Variants in ANO6 observed in about 807,000 individuals in gnomAD.
ANO6 encodes anoctamin 6, also known as anoctamin-6.
ANO6 carries 106 observed loss-of-function variants against 117.5 expected under a neutral mutation model. The observed-to-expected ratio is 0.90, with a 90% CI of 0.77 to 1.06. The LOEUF is 1.06. ANO6 is among the 50% of genes least tolerant of loss of function. ANO6 has a pLI of 0.00. For missense variants in ANO6, 955 were observed against 1,121.1 expected, an observed-to-expected ratio of 0.85 and a Z score of 2.12; for synonymous variants, 367 against 385.1, an observed-to-expected ratio of 0.95 and a Z score of 0.55.
At chr12:45,289,332 A>G (rs1482315667) in intron 1 of ANO6, among the ~76,000 whole-genome samples, 1 of 151,700 alleles carries the variant, frequency 6.6e-6, no homozygotes. Context: ...ACACCTGGCT[A>G]ATTTTTGTAT....
intron 12 of ANO6, among the ~76,000 whole-genome samples, chr12:45,395,444 C>G (rs1269919658): frequency 1.3e-5 from 2 of 152,166 alleles, no homozygotes; most frequent in Non-Finnish European, 2.9e-5. Flanking sequence ...CCTTCTGACA[C>G]CATTCCAATC....
At chr12:45,221,602 G>A (rs952682461) in intron 1 of ANO6, among the ~76,000 whole-genome samples, 4 of 152,188 alleles carry the variant, frequency 2.6e-5, no homozygotes, top group Non-Finnish European at 5.9e-5. Flanking sequence ...CTCCATGGTA[G>A]CACGTTCTAA....
At chr12:45,217,370 C>T (rs1947332423) in intron 1 of ANO6, among the ~76,000 whole-genome samples, 1 of 152,124 alleles carries the variant, frequency 6.6e-6, no homozygotes, top group Non-Finnish European at 1.5e-5. Flanking sequence ...TTCTAAAGCC[C>T]TGTTGTTATC....
At chr12:45,381,168 T>C (rs1415566256) in intron 10 of ANO6, among the ~76,000 whole-genome samples, 1 of 152,196 alleles carries the variant, frequency 6.6e-6, no homozygotes, top group Non-Finnish European at 1.5e-5. Context: ...ACTTTACTGC[T>C]CTGAAACCTT....
chr12:45,374,926 A>C (rs918927998), intron 9 of ANO6, among the ~76,000 whole-genome samples: 2 of 152,026 alleles, frequency 1.3e-5, no homozygotes, highest in African/African-American at 4.8e-5. Flanking sequence ...CCCTGTTTGC[A>C]GACGACATGA....
intron 1 of ANO6, among the ~76,000 whole-genome samples, chr12:45,247,834 GC>G (rs1279524717): frequency 6.6e-6 from 1 of 152,088 alleles, no homozygotes; most frequent in Non-Finnish European, 1.5e-5. Context: ...CCTTCCAAAG[GC>G]CCCATCTCTC....
intron 1 of ANO6, among the ~76,000 whole-genome samples, chr12:45,220,538 A>C (rs750125923): frequency 6.6e-6 from 1 of 152,114 alleles, no homozygotes; most frequent in African/African-American, 2.4e-5. Flanking sequence ...TAGTTTCAGG[A>C]TTAGGTGCTG....
chr12:45,423,708 G>A (rs1592051145), intron 19 of ANO6, among the ~76,000 whole-genome samples: 1 of 152,326 alleles, frequency 6.6e-6, no homozygotes, highest in South Asian at 2.1e-4. Context: ...GATGGAAGCA[G>A]TCTATCCAAT....
At chr12:45,375,684 C>T (rs1448893636) in intron 9 of ANO6, among the ~76,000 whole-genome samples, 1 of 150,646 alleles carries the variant, frequency 6.6e-6, no homozygotes, top group Non-Finnish European at 1.5e-5. Flanking sequence ...CCCTTCCTTA[C>T]ACCTTTTACA....
At chr12:45,374,992 C>A (rs1292284364) in intron 9 of ANO6, among the ~76,000 whole-genome samples, 1 of 151,462 alleles carries the variant, frequency 6.6e-6, no homozygotes, top group Non-Finnish European at 1.5e-5. Flanking sequence ...AGCTGATAAG[C>A]AACTTCAGCA....
At chr12:45,222,419 C>G (rs1947417985) in intron 1 of ANO6, among the ~76,000 whole-genome samples, 1 of 152,116 alleles carries the variant, frequency 6.6e-6, no homozygotes, top group South Asian at 2.1e-4. Flanking sequence ...CCTCGGCCTC[C>G]CAAAGTGCTG....
rs769698048 is a variant in ANO6 at position 45,421,217 on chromosome 12, C to T, written c.2364C>T (p.Phe788=). 6.8e-6 allele frequency: 11 copies of T among 1,614,162 alleles called. No homozygotes were observed. In the Admixed American group the frequency reaches 8.3e-5, roughly 12 times the overall value. ...NTLSIFKVAD[F]KNKSKGNPYS... Reference sequence around the variant, plus strand: ...TCTCCATCTTCAAAGTCGCAGACTTCAAAAACAAAAGCAAGGGAAACCCGT... The same window carrying T: ...TCTCCATCTTCAAAGTCGCAGACTTTAAAAACAAAAGCAAGGGAAACCCGT... The change falls in exon 18 of 20, where the codon TTC becomes TTT. Residue 788 remains phenylalanine (F), a synonymous_variant. Coordinates refer to ENST00000320560, the MANE Select transcript of ANO6 (RefSeq NM_001025356.3).
intron 2 of ANO6, among the ~76,000 whole-genome samples, chr12:45,306,845 G>C (rs148482825): frequency 6.6e-6 from 1 of 151,858 alleles, no homozygotes; most frequent in Non-Finnish European, 1.5e-5. Context: ...TGGGGGGGTG[G>C]TGACAGTTTT....
chr12:45,220,151 G>A (rs1565627582), intron 1 of ANO6, among the ~76,000 whole-genome samples: 1 of 152,150 alleles, frequency 6.6e-6, no homozygotes. Context: ...CTGTGGTCAA[G>A]CTTTGCTGAA....
intron 1 of ANO6, 83 bp downstream of exon 1, chr12:45,216,474 C>G (rs1249970273): frequency 1.3e-6 from 2 of 1,483,870 alleles, no homozygotes; most frequent in African/African-American, 2.8e-5. Flanking sequence ...GGGCGCTGTG[C>G]TCTCCGCGGG....
At chr12:45,320,157 C>G (rs1193356845) in intron 2 of ANO6, among the ~76,000 whole-genome samples, 1 of 152,084 alleles carries the variant, frequency 6.6e-6, no homozygotes, top group Non-Finnish European at 1.5e-5. Context: ...TTGCCTTCTG[C>G]TAGCTTTTGA....
intron 16 of ANO6, among the ~76,000 whole-genome samples, chr12:45,412,891 G>A (rs1184646609): frequency 6.6e-6 from 1 of 152,206 alleles, no homozygotes; most frequent in Non-Finnish European, 1.5e-5. Context: ...TTTGAAGGGT[G>A]AATGGAAGTT....
At chr12:45,298,514 G>A (rs1056431829) in intron 1 of ANO6, among the ~76,000 whole-genome samples, 77 of 152,124 alleles carry the variant, frequency 5.1e-4, no homozygotes, top group African/African-American at 1.6e-3. Flanking sequence ...TCAGTAGTGG[G>A]GGTAGAATTA....
chr12:45,326,793 G>C (rs1940481727), intron 2 of ANO6, among the ~76,000 whole-genome samples: 4 of 152,280 alleles, frequency 2.6e-5, no homozygotes, highest in Middle Eastern at 3.4e-3. Flanking sequence ...TCAGCCACCT[G>C]TTCAAATGGA....
Sources: allele counts gnomAD v4.1 joint callset (sites outside exome capture counted in the v4.1 genomes callset), GRCh38; gene constraint gnomAD v4.1.1; transcripts MANE v1.5; gene names NCBI Gene and HGNC (gene_info 2026-07-23, HGNC 2026-07-21).